HTR3B: variants seen among roughly 807,000 people sequenced by gnomAD.
The protein encoded by HTR3B is 5-hydroxytryptamine receptor 3B.
Under a neutral mutation model 42.8 loss-of-function variants are expected in HTR3B, and 44 were observed. The observed-to-expected ratio is 1.03, with a 90% CI of 0.81 to 1.32. The LOEUF (loss-of-function observed/expected upper bound fraction) is 1.32. HTR3B is among the 40% of genes most tolerant of loss of function. The pLI is 0.00. For synonymous variants in HTR3B, 203 were observed against 209.0 expected, an observed-to-expected ratio of 0.97 and a Z score of 0.25; for missense variants, 527 against 536.5, an observed-to-expected ratio of 0.98 and a Z score of 0.17.
intron 7 of HTR3B, among the ~76,000 whole-genome samples, chr11:113,944,232 A>G (rs1486021912): frequency 2.6e-5 from 4 of 151,902 alleles, no homozygotes; most frequent in Non-Finnish European, 2.9e-5. Context: ...GTTGGCCAGG[A>G]TGGTCTCGAT....
chr11:113,914,302 T>C (rs1035732056), intron 2 of HTR3B, among the ~76,000 whole-genome samples: 8 of 151,276 alleles, frequency 5.3e-5, no homozygotes, highest in African/African-American at 1.9e-4. Context: ...CCGTCTCTAC[T>C]AAAAATACAA....
intron 2 of HTR3B, among the ~76,000 whole-genome samples, chr11:113,916,613 G>T (rs1949856840): frequency 1.3e-5 from 2 of 152,134 alleles, no homozygotes; most frequent in Non-Finnish European, 2.9e-5. Context: ...GATTGGTACT[G>T]CACTGAATCT....
At chr11:113,916,915 G>C (rs931543258) in intron 2 of HTR3B, among the ~76,000 whole-genome samples, 12 of 151,940 alleles carry the variant, frequency 7.9e-5, no homozygotes, top group African/African-American at 2.9e-4. Flanking sequence ...CGCTTAAGAG[G>C]CTTTTTTTGG....
upstream of HTR3B, among the ~76,000 whole-genome samples, chr11:113,900,533 T>A (rs953890949): frequency 3.3e-5 from 5 of 152,106 alleles, no homozygotes; most frequent in Admixed American, 6.6e-5. Context: ...TTGCTCTTGT[T>A]CCCAGGCTGG....
chr11:113,913,582 T>G (rs1485712025), intron 2 of HTR3B, among the ~76,000 whole-genome samples: 1 of 151,866 alleles, frequency 6.6e-6, no homozygotes, highest in East Asian at 1.9e-4. Context: ...TGGCGCAATC[T>G]CGGCTCACTG....
chr11:113,921,154 AT>A (rs71063534), intron 2 of HTR3B, among the ~76,000 whole-genome samples: 29,078 of 144,606 alleles, frequency 0.2, 2,979 homozygotes, highest in South Asian at 0.3. Context: ...TTTATTTTTT[AT>A]TTTTTTTTTG....
rs544927585 is a variant in HTR3B at position 113,927,558 on chromosome 11, T to A, written c.214-3826T>A. On this transcript the variant is annotated intron_variant, in intron 2 of 8. Transcript: ENST00000260191. ...GACAAATGTGTTTTAGAGTATATGT[T>A]TTTTCTTTCCTTTTTTTTTTTTGAG... Among the ~76,000 whole-genome samples the A allele has an allele frequency of 3.9e-5, 6 of 152,146 alleles. No individual in the cohort carries two copies. The South Asian group carries it at 1.2e-3, about 32-fold the overall frequency.
intron 2 of HTR3B, among the ~76,000 whole-genome samples, chr11:113,925,417 GTTTTTT>G (rs201996305): frequency 1.2e-4 from 12 of 100,722 alleles, no homozygotes; most frequent in South Asian, 6.4e-4. Flanking sequence ...TTACGAATTT[GTTTTTT>G]TTTTTTTTTT....
At chr11:113,915,984 A>T (rs904018091) in intron 2 of HTR3B, among the ~76,000 whole-genome samples, 2 of 152,152 alleles carry the variant, frequency 1.3e-5, no homozygotes, top group Non-Finnish European at 2.9e-5. Context: ...GATTACAGGC[A>T]CCCACGACCG....
chr11:113,933,221 G>A (rs559039372), intron 6 of HTR3B, 128 bp downstream of exon 6: 3 of 886,478 alleles, frequency 3.4e-6, no homozygotes, highest in East Asian at 2.7e-5. Context: ...GGACTTCAGC[G>A]GGCTCTGAGC....
intron 6 of HTR3B, among the ~76,000 whole-genome samples, chr11:113,938,712 G>A (rs1950110135): frequency 6.6e-6 from 1 of 152,214 alleles, no homozygotes; most frequent in Non-Finnish European, 1.5e-5. Context: ...AGGCTGCACT[G>A]GGTTTGCAGG....
At chr11:113,915,977 T>G (rs1157340575) in intron 2 of HTR3B, among the ~76,000 whole-genome samples, 1 of 152,208 alleles carries the variant, frequency 6.6e-6, no homozygotes, top group African/African-American at 2.4e-5. Context: ...TGGCTGGGAT[T>G]ACAGGCACCC....
At chr11:113,899,189 A>C in the HTR3B span, among the ~76,000 whole-genome samples, 3 of 152,192 alleles carry the variant, frequency 2.0e-5, no homozygotes, top group African/African-American at 7.2e-5. Flanking sequence ...GAGGGACTCC[A>C]TTCCCTTGTT....
At chr11:113,918,962 A>G (rs551091973) in intron 2 of HTR3B, among the ~76,000 whole-genome samples, 2 of 152,042 alleles carry the variant, frequency 1.3e-5, no homozygotes, top group Non-Finnish European at 2.9e-5. Context: ...CAGCCAATCT[A>G]TGCATTTTAG....
At position 113,945,632 on chromosome 11, in the gene HTR3B, C is replaced by T. The variant is rs967233520; in HGVS notation, c.1091-270C>T. ...AAAGCTCCTACTGAGTCCATTTGGG[C>T]TGACCTCTAACTCAGAAACTCTCCT... On this transcript the variant is annotated intron_variant, in intron 8 of 8. Transcript: ENST00000260191. 4.6e-5 allele frequency among the ~76,000 whole-genome samples: 7 copies of T among 152,228 alleles called. No homozygotes were observed. In the East Asian group the frequency reaches 1.2e-3, roughly 25 times the overall value.
the HTR3B span, among the ~76,000 whole-genome samples, chr11:113,899,040 G>A: frequency 3.3e-5 from 5 of 152,102 alleles, no homozygotes; most frequent in Non-Finnish European, 7.4e-5. Context: ...TTTGACCAAG[G>A]CCATGAGCAT....
chr11:113,943,792 G>GAACGGAA (rs1182469342), intron 7 of HTR3B, among the ~76,000 whole-genome samples: 23 of 150,894 alleles, frequency 1.5e-4, no homozygotes, highest in African/African-American at 4.9e-4. Context: ...CAGCCTGGGT[G>GAACGGAA]ACAGAGCAAG....
Position 113,943,105 on chromosome 11 carries a change from A to C in HTR3B, c.820A>C (p.Lys274Gln). ...PPNCRARIVF[K>Q]TSVLVGYTVF... ...CAACTGCCGAGCCAGGATTGTGTTC[A>C]AGACCAGTGTGCTGGTGGGCTACAC... Residue 274 changes from lysine (K) to glutamine (Q), a missense_variant, in exon 7 of 9, where the codon AAG (lysine) becomes CAG (glutamine). Physicochemically the swap from Lys to Gln is moderately conservative, Grantham distance 53 (BLOSUM62 1). Coordinates refer to ENST00000260191, the MANE Select transcript of HTR3B (RefSeq NM_006028.5). 1.2e-6 allele frequency: 2 copies of C among 1,614,138 alleles called. No homozygotes were observed. The highest frequency in any genetic ancestry group is 1.7e-6 in the Non-Finnish European group (2 of 1,180,010).
chr11:113,900,861 G>T (rs1010253057), upstream of HTR3B, among the ~76,000 whole-genome samples: 6 of 152,148 alleles, frequency 3.9e-5, no homozygotes, highest in Admixed American at 1.3e-4. Flanking sequence ...ATCATCCATG[G>T]TGGAGAGAGA....
Sources: gnomAD v4.1 joint callset for allele counts (sites outside exome capture counted in the v4.1 genomes callset) on GRCh38, gnomAD v4.1.1 for gene constraint, MANE v1.5 for transcripts, NCBI Gene and HGNC (gene_info 2026-07-23, HGNC 2026-07-21) for gene names.